RIC1: variants seen among roughly 807,000 people sequenced by gnomAD.
RIC1 encodes the protein RIC1 partner of RAB6A GEF complex.
In RIC1, 88 loss-of-function variants were observed where a neutral mutation model predicts 169.0. The observed-to-expected ratio is 0.52, with a 90% CI of 0.44 to 0.62. The LOEUF (loss-of-function observed/expected upper bound fraction) is 0.62. Ranked by LOEUF, RIC1 falls within the 20% of genes least tolerant of loss-of-function variation. The probability of loss-of-function intolerance (pLI) is 0.00; values close to 1 mark genes in which losing one functional copy is unlikely to be tolerated. For synonymous variants in RIC1, 790 were observed against 601.5 expected, an observed-to-expected ratio of 1.31 and a Z score of -4.59; for missense variants, 1,877 against 1,725.5, an observed-to-expected ratio of 1.09 and a Z score of -1.56.
At chr9:5,660,364 T>C (rs1586897933) in intron 2 of RIC1, among the ~76,000 whole-genome samples, 1 of 152,322 alleles carries the variant, frequency 6.6e-6, no homozygotes, top group East Asian at 1.9e-4. Flanking sequence ...TTGGGGGGTA[T>C]ACCCAGTAAT....
At chr9:5,769,495 C>G (rs1827050907) in intron 22 of RIC1, 1 of 1,384,556 alleles carries the variant, frequency 7.2e-7, no homozygotes, top group Admixed American at 2.8e-5. Flanking sequence ...TCTAATCATA[C>G]TTGGATTATA....
Position 5,720,707 on chromosome 9 carries a change from A to G in RIC1, c.677A>G (p.Lys226Arg). The G allele has an allele frequency of 6.2e-7, 1 of 1,612,432 alleles. No individual in the cohort carries two copies. The highest frequency in any genetic ancestry group is 8.5e-7 in the Non-Finnish European group (1 of 1,179,208). ...DGFAVVFNDG[K>R]VGFITPVSSR... ...TTTGCTGTTGTATTTAATGATGGTA[A>G]AGTTGGATTTATTACACCAGTGTCA... Residue 226 changes from lysine to arginine, a missense_variant, in exon 6 of 26, where the codon AAA (lysine) becomes AGA (arginine). Physicochemically the swap from Lys to Arg is conservative, Grantham distance 26. Around this residue, in one of 3 missense-constraint regions of RIC1, gnomAD observed 1,104 missense variants for 992.0 expected, o/e 1.11. Transcript: ENST00000414202.
At chr9:5,737,870 A>C (rs1056021096) in intron 7 of RIC1, among the ~76,000 whole-genome samples, 1 of 151,952 alleles carries the variant, frequency 6.6e-6, no homozygotes, top group Non-Finnish European at 1.5e-5. Context: ...GGAAGAAATA[A>C]TGTACTTACT....
intron 2 of RIC1, among the ~76,000 whole-genome samples, chr9:5,674,798 C>T (rs958261540): frequency 9.2e-5 from 14 of 152,208 alleles, no homozygotes; most frequent in Admixed American, 2.6e-4. Context: ...TTGAAGCCCT[C>T]AAATTCATCT....
chr9:5,720,757 C>G lies in RIC1; in HGVS notation c.720+7C>G. Reference sequence around the variant, plus strand: ...AAGTAGATTTACTGCAGAGGTATGACTTATTTACTTTGAAGGGTTTTTTGT... The same window carrying G: ...AAGTAGATTTACTGCAGAGGTATGAGTTATTTACTTTGAAGGGTTTTTTGT... On this transcript the variant is annotated splice_region_variant and intron_variant, in intron 6 of 25. Transcript: ENST00000414202. 1 of 1,580,908 alleles carries G rather than the reference C, an allele frequency of 6.3e-7. No individual in the cohort carries two copies. The highest frequency in any genetic ancestry group is 8.6e-7 in the Non-Finnish European group (1 of 1,168,630).
intron 3 of RIC1, among the ~76,000 whole-genome samples, chr9:5,704,691 A>G (rs988138595): frequency 6.6e-6 from 1 of 152,058 alleles, no homozygotes; most frequent in African/African-American, 2.4e-5. Context: ...AGTCCAATTT[A>G]TATATATATT....
chr9:5,724,195 G>A (rs1252905236), intron 6 of RIC1, among the ~76,000 whole-genome samples: 1 of 152,216 alleles, frequency 6.6e-6, no homozygotes, highest in East Asian at 1.9e-4. Context: ...CCATGAGCAT[G>A]GAAAGTTCTT....
At chr9:5,762,229 G>C (rs1376513590) in intron 17 of RIC1, among the ~76,000 whole-genome samples, 2 of 152,180 alleles carry the variant, frequency 1.3e-5, no homozygotes, top group East Asian at 1.9e-4. Flanking sequence ...TGTTATGACA[G>C]CTAGATCACT....
At chr9:5,639,865 T>C (rs1418567890) in intron 1 of RIC1, among the ~76,000 whole-genome samples, 2 of 152,248 alleles carry the variant, frequency 1.3e-5, no homozygotes, top group African/African-American at 2.4e-5. Context: ...TCTTGAAATC[T>C]ATTTTGTCAG....
intron 6 of RIC1, among the ~76,000 whole-genome samples, chr9:5,728,016 G>T (rs1452824036): frequency 1.3e-5 from 2 of 152,208 alleles, no homozygotes; most frequent in East Asian, 1.9e-4. Context: ...GAGGCAGTCT[G>T]TCTGTTCTCA....
chr9:5,657,886 C>G (rs1819195382), intron 2 of RIC1, among the ~76,000 whole-genome samples: 1 of 152,094 alleles, frequency 6.6e-6, no homozygotes, highest in Non-Finnish European at 1.5e-5. Flanking sequence ...TTATGTGATA[C>G]TTAAATTTCA....
chr9:5,644,777 T>G (rs542836438), intron 1 of RIC1, among the ~76,000 whole-genome samples: 38 of 152,336 alleles, frequency 2.5e-4, no homozygotes, highest in African/African-American at 8.7e-4. Context: ...TCTAGAGAGA[T>G]ACCTAGGAGT....
intron 1 of RIC1, among the ~76,000 whole-genome samples, chr9:5,637,032 C>T (rs770198116): frequency 4.6e-5 from 7 of 151,876 alleles, no homozygotes; most frequent in Non-Finnish European, 7.4e-5. Flanking sequence ...TGTGAGAACA[C>T]AGTAGGTATA....
At position 5,762,803 on chromosome 9, in the gene RIC1, T is replaced by C. The variant is rs1826428853; in HGVS notation, c.2112+143T>C. ...ATAAAATCAGTCTTAAGCCTCTGGG[T>C]GTAAGACTGACTGACTGGAGGATAA... is the stretch of plus-strand genomic sequence containing the variant. On this transcript the variant is annotated intron_variant, in intron 18 of 25. Transcript: ENST00000414202. 5 of 1,065,324 alleles carry C rather than the reference T, an allele frequency of 4.7e-6. No homozygotes were observed. In the East Asian group the frequency reaches 1.0e-4, roughly 22 times the overall value. The allele number at this position is 1,065,324 out of a possible 1,614,324, so 66.0% of individuals were successfully genotyped here. A position where few individuals can be genotyped will look rare whatever the true frequency, so the allele number is the denominator to read the frequency against.
chr9:5,681,407 C>T (rs1163018313), intron 2 of RIC1, among the ~76,000 whole-genome samples: 1 of 151,190 alleles, frequency 6.6e-6, no homozygotes, highest in African/African-American at 2.4e-5. Flanking sequence ...TTTCTGCCTT[C>T]ATTTCGCAGG....
intron 2 of RIC1, among the ~76,000 whole-genome samples, chr9:5,679,951 C>T (rs1820712392): frequency 6.6e-6 from 1 of 152,172 alleles, no homozygotes; most frequent in Non-Finnish European, 1.5e-5. Context: ...AGTTTTTGTC[C>T]ATCCAGTATA....
intron 3 of RIC1, among the ~76,000 whole-genome samples, chr9:5,701,082 G>T (rs1451964672): frequency 6.6e-6 from 1 of 152,066 alleles, no homozygotes; most frequent in Non-Finnish European, 1.5e-5. Flanking sequence ...ACTTAAGTTG[G>T]CTGGGTTCTA....
chr9:5,683,556 A>G (rs968922702), intron 2 of RIC1, among the ~76,000 whole-genome samples: 1 of 152,090 alleles, frequency 6.6e-6, no homozygotes, highest in Non-Finnish European at 1.5e-5. Context: ...GTCTGTCCCT[A>G]CTGGGGGGTG....
chr9:5,765,139 T>A (rs1379205640), intron 19 of RIC1: 2 of 286,192 alleles, frequency 7.0e-6, no homozygotes, highest in Non-Finnish European at 1.3e-5. Flanking sequence ...ATGATATGCC[T>A]ATCTGCAGAG....
Sources: gnomAD v4.1 joint callset for allele counts (sites outside exome capture counted in the v4.1 genomes callset) on GRCh38, gnomAD v4.1.1 for gene constraint, gnomAD v4.1.1 regional missense constraint, MANE v1.5 for transcripts, NCBI Gene and HGNC (gene_info 2026-07-23, HGNC 2026-07-21) for gene names.